The following RDX variants were observed in gnomAD, a reference collection of about 807,000 sequenced individuals.
RDX encodes deafness, autosomal recessive 24.
A neutral mutation model predicts 83.7 loss-of-function variants in RDX; 32 were observed. The observed-to-expected ratio is 0.38, with a 90% CI of 0.29 to 0.51. The LOEUF is 0.51. Among genes scored for constraint, RDX ranks in the 20% least tolerant of loss-of-function variants. The pLI is 0.87. For synonymous variants in RDX, 229 were observed against 222.7 expected, an observed-to-expected ratio of 1.03 and a Z score of -0.25; for missense variants, 600 against 689.9, an observed-to-expected ratio of 0.87 and a Z score of 1.46.
chr11:110,247,755 C>T lies in RDX; in HGVS notation c.1038G>A (p.Glu346=). The stretch of plus-strand genomic sequence containing the variant: ...CAATTTGTTTTAGACGTTCCATTAG[C>T]TCTTCCTTTTCACGTTCTATTCTTT... The part of the protein sequence containing the change: ...EKERIEREKE[E]LMERLKQIEE... Residue 346 remains glutamate (E), a synonymous_variant, in exon 10 of 14, where the codon GAG becomes GAA. Coordinates refer to ENST00000645495, the MANE Select transcript of RDX (RefSeq NM_002906.4). 6.2e-7 allele frequency: 1 copy of T among 1,611,724 alleles called. No individual in the cohort carries two copies. The highest frequency in any genetic ancestry group is 8.5e-7 in the Non-Finnish European group (1 of 1,179,136).
chr11:110,276,834 T>C (rs1016171376), intron 2 of RDX, among the ~76,000 whole-genome samples: 5 of 152,212 alleles, frequency 3.3e-5, no homozygotes, highest in African/African-American at 1.2e-4. Context: ...GATGAGTTAA[T>C]TTTGAGGAAA....
At chr11:110,236,244 T>C in intron 11 of RDX, 53 bp from the exon 12 acceptor site, 1 of 1,404,230 alleles carries the variant, frequency 7.1e-7, no homozygotes, top group Non-Finnish European at 1.0e-6. Flanking sequence ...TGAATAATCT[T>C]ATAAGTCAAC....
intron 1 of RDX, among the ~76,000 whole-genome samples, chr11:110,295,545 G>A (rs909106921): frequency 1.2e-4 from 17 of 144,682 alleles, no homozygotes; most frequent in African/African-American, 4.4e-4. Context: ...TTCCAACCTA[G>A]TAACTACTCT....
At chr11:110,215,525 G>C (rs957824851) in intron 14 of RDX, among the ~76,000 whole-genome samples, 1 of 152,072 alleles carries the variant, frequency 6.6e-6, no homozygotes, top group African/African-American at 2.4e-5. Flanking sequence ...GGACAGACTA[G>C]AGTTACAAGC....
intron 8 of RDX, among the ~76,000 whole-genome samples, chr11:110,254,831 T>C (rs1311447497): frequency 6.6e-6 from 1 of 152,168 alleles, no homozygotes; most frequent in African/African-American, 2.4e-5. Context: ...TACTAGAGTA[T>C]ACTTGACATT....
At chr11:110,208,314 G>C (rs1863681140) in intron 14 of RDX, among the ~76,000 whole-genome samples, 1 of 152,180 alleles carries the variant, frequency 6.6e-6, no homozygotes, top group African/African-American at 2.4e-5. Flanking sequence ...TTATTCGGGA[G>C]GTTAACTCAA....
At chr11:110,189,826 G>T (rs1009357930) in intron 15 of RDX, among the ~76,000 whole-genome samples, 7 of 152,112 alleles carry the variant, frequency 4.6e-5, no homozygotes, top group Admixed American at 1.3e-4. Flanking sequence ...GCTCATGCCT[G>T]TAATCCCACC....
At chr11:110,249,986 G>C (rs1470315091) in intron 9 of RDX, among the ~76,000 whole-genome samples, 2 of 152,342 alleles carry the variant, frequency 1.3e-5, no homozygotes, top group Non-Finnish European at 2.9e-5. Flanking sequence ...CAAGGAGGAA[G>C]AGCCAGTAAC....
At chr11:110,221,540 G>A (rs982019678) in intron 14 of RDX, among the ~76,000 whole-genome samples, 2 of 151,452 alleles carry the variant, frequency 1.3e-5, no homozygotes, top group Admixed American at 6.6e-5. Flanking sequence ...GGAAGCTGCA[G>A]TGAGCCAAGA....
intron 14 of RDX, among the ~76,000 whole-genome samples, chr11:110,221,376 T>C (rs1017924065): frequency 1.3e-5 from 2 of 152,062 alleles, no homozygotes; most frequent in South Asian, 4.2e-4. Context: ...GGTGGGCAGA[T>C]CACTTGAGGC....
chr11:110,285,117 G>A (rs141237828), intron 1 of RDX, among the ~76,000 whole-genome samples: 189 of 152,144 alleles, frequency 1.2e-3, no homozygotes, highest in African/African-American at 4.1e-3. Context: ...TGCCGGGCAC[G>A]GTGGCTCATG....
intron 14 of RDX, among the ~76,000 whole-genome samples, chr11:110,208,035 G>A (rs1863671283): frequency 1.3e-5 from 2 of 150,674 alleles, no homozygotes; most frequent in South Asian, 4.2e-4. Context: ...TGCCCAGGCT[G>A]GTCTCAAACT....
chr11:110,281,631 T>G (rs1860765172), intron 1 of RDX, among the ~76,000 whole-genome samples: 1 of 152,156 alleles, frequency 6.6e-6, no homozygotes. Flanking sequence ...AATGAAATTC[T>G]GCTGGAGGTA....
At chr11:110,188,789 C>T (rs954531503) in intron 15 of RDX, among the ~76,000 whole-genome samples, 1 of 152,104 alleles carries the variant, frequency 6.6e-6, no homozygotes, top group African/African-American at 2.4e-5. Flanking sequence ...CTTTTATAGA[C>T]AAGCAATCAC....
At chr11:110,247,036 T>C (rs1859139421) in intron 10 of RDX, among the ~76,000 whole-genome samples, 1 of 152,204 alleles carries the variant, frequency 6.6e-6, no homozygotes, top group Admixed American at 6.5e-5. Context: ...TTTTTTTTTC[T>C]TGCTTTCTCC....
At chr11:110,221,226 A>AAT (rs1256054799) in intron 14 of RDX, among the ~76,000 whole-genome samples, 1 of 152,208 alleles carries the variant, frequency 6.6e-6, no homozygotes, top group Non-Finnish European at 1.5e-5. Context: ...TATTAACATG[A>AAT]ACTATCATTA....
chr11:110,216,704 G>A (rs1433670469), intron 14 of RDX, among the ~76,000 whole-genome samples: 1 of 151,442 alleles, frequency 6.6e-6, no homozygotes, highest in Non-Finnish European at 1.5e-5. Context: ...TTTTTGTAGA[G>A]TTGAGATCTT....
At position 110,185,869 on chromosome 11, in the gene RDX, C is replaced by T. The variant is rs139722957; in HGVS notation, c.*32-10635G>A. Among the ~76,000 whole-genome samples the T allele has an allele frequency of 7.2e-3, 1,095 of 152,264 alleles. 20 individuals are homozygous for T. The highest frequency in any genetic ancestry group is 0.023 in the African/African-American group (975 of 41,540). ...ACAGCTCATTCCCCAAAGGAAAATC[C>T]GGGAACAGGACTGGGCTACAAACCT... On this transcript the variant is annotated intron_variant, in intron 15 of 15. Transcript: ENST00000528498.
intron 15 of RDX, among the ~76,000 whole-genome samples, chr11:110,182,907 G>C (rs886202754): frequency 5.9e-5 from 9 of 152,190 alleles, no homozygotes; most frequent in Admixed American, 2.6e-4. Flanking sequence ...ATGTTACAGA[G>C]AGCAAATCAT....
Sources: allele counts gnomAD v4.1 joint callset (sites outside exome capture counted in the v4.1 genomes callset), GRCh38; gene constraint gnomAD v4.1.1; transcripts MANE v1.5; gene names NCBI Gene and HGNC (gene_info 2026-07-23, HGNC 2026-07-21).